The following ZBBX variants were observed in gnomAD, a reference collection of about 807,000 sequenced individuals.
ZBBX encodes the protein zinc finger B-box domain containing.
In ZBBX, 101 loss-of-function variants were observed where a neutral mutation model predicts 108.5. The ratio of observed to expected loss-of-function variants is 0.93; its 90% CI spans 0.79 to 1.10. ZBBX has a LOEUF of 1.10. Ranked by LOEUF, ZBBX falls within the 50% of genes least tolerant of loss-of-function variation. The pLI, the probability that ZBBX is intolerant of heterozygous loss-of-function variation, is 0.00. For synonymous variants in ZBBX, 356 were observed against 323.4 expected (o/e 1.10, Z -1.08); for missense variants, 1,009 against 941.4 (o/e 1.07, Z -0.94).
chr3:167,321,744 A>G (rs116586785), intron 12 of ZBBX, among the ~76,000 whole-genome samples: 7,532 of 152,150 alleles, frequency 0.05, 257 homozygotes, highest in Non-Finnish European at 0.065. Context: ...TAATTAATTT[A>G]AAACTAGATT....
At chr3:167,282,932 A>C (rs7641073) in intron 19 of ZBBX, among the ~76,000 whole-genome samples, 1 of 151,956 alleles carries the variant, frequency 6.6e-6, no homozygotes, top group Non-Finnish European at 1.5e-5. Context: ...ACTTCCTAGT[A>C]AACCAATTTT....
chr3:167,260,893 G>A (rs910384360), intron 20 of ZBBX, among the ~76,000 whole-genome samples: 5 of 152,198 alleles, frequency 3.3e-5, no homozygotes, highest in African/African-American at 1.2e-4. Context: ...TCTGGGGGGT[G>A]TTGAAGAGCC....
At chr3:167,361,670 A>C (rs1744524834) in intron 6 of ZBBX, among the ~76,000 whole-genome samples, 1 of 152,210 alleles carries the variant, frequency 6.6e-6, no homozygotes, top group African/African-American at 2.4e-5. Context: ...GCTATGTACT[A>C]AACACAGCAG....
At chr3:167,265,764 C>T (rs979164248) in intron 20 of ZBBX, among the ~76,000 whole-genome samples, 6 of 152,304 alleles carry the variant, frequency 3.9e-5, no homozygotes, top group Admixed American at 1.3e-4. Context: ...AAGTTCTGAC[C>T]GCTGGAATGG....
intron 20 of ZBBX, among the ~76,000 whole-genome samples, chr3:167,254,341 G>A (rs1723102984): frequency 6.6e-6 from 1 of 152,290 alleles, no homozygotes; most frequent in African/African-American, 2.4e-5. Flanking sequence ...CGGGTACAGT[G>A]TATGTGGGGG....
rs111506426 is a variant in ZBBX at position 167,272,763 on chromosome 3, C to T, written c.2254+9475G>A. 2.7e-3 allele frequency among the ~76,000 whole-genome samples: 415 copies of T among 152,274 alleles called. 2 individuals are homozygous for T. The highest frequency in any genetic ancestry group is 0.01 in the Middle Eastern group (3 of 294). ...ATCTCTGCCCCTTTAAAGTGAAAGG[C>T]GCCCCCTACCAAGACTCTTGTTCCT... On this transcript the variant is annotated intron_variant, in intron 20 of 21. Transcript: ENST00000675490.
At position 167,372,909 on chromosome 3, in the gene ZBBX, AC is replaced by A; in HGVS notation, c.-9del. On this transcript the variant is annotated 5_prime_UTR_variant, in exon 4 of 22. Transcript: ENST00000675490. Reference sequence around the variant, plus strand: ...AAAATCTTTTCTGTTCATGATTACCACCTTAATATTGTCTAAAAGTTATTCT... The same window carrying A: ...AAAATCTTTTCTGTTCATGATTACCACTTAATATTGTCTAAAAGTTATTCT... 1 of 1,583,214 alleles carries A rather than the reference AC, an allele frequency of 6.3e-7. No individual in the cohort carries two copies. The highest frequency in any genetic ancestry group is 8.6e-7 in the Non-Finnish European group (1 of 1,168,610).
At chr3:167,406,598 A>T (rs1748595956) in intron 1 of ZBBX, among the ~76,000 whole-genome samples, 1 of 152,240 alleles carries the variant, frequency 6.6e-6, no homozygotes, top group Non-Finnish European at 1.5e-5. Context: ...TCCAGTATCA[A>T]ATAAATAAAT....
At chr3:167,310,462 A>G (rs1734383951) in intron 16 of ZBBX, among the ~76,000 whole-genome samples, 1 of 152,204 alleles carries the variant, frequency 6.6e-6, no homozygotes, top group Admixed American at 6.5e-5. Flanking sequence ...GAACTACCTA[A>G]GACTGGGTAC....
At position 167,305,726 on chromosome 3, in the gene ZBBX, G is replaced by C. The variant is rs199656521; in HGVS notation, c.1642C>G (p.Gln548Glu). 2.5e-6 allele frequency: 4 copies of C among 1,611,908 alleles called. No individual in the cohort carries two copies. The African/African-American group carries it at 4.0e-5, about 16-fold the overall frequency. Residue 548 changes from glutamine to glutamate, a missense_variant, in exon 17 of 22, where the codon CAA becomes GAA. Physicochemically the swap from Gln to Glu is conservative, Grantham distance 29 (BLOSUM62 2). Transcript: ENST00000675490. ...EKAPIEEKLS[Q>E]DIKESLELSN... ...AATTCCAAGGATTCTTTGATGTCTTGAGATAATTTCTCCTCAATGGGAGCT... is the reference window on the plus strand; with the variant it reads ...AATTCCAAGGATTCTTTGATGTCTTCAGATAATTTCTCCTCAATGGGAGCT...
intron 6 of ZBBX, among the ~76,000 whole-genome samples, chr3:167,361,935 A>T (rs1406044378): frequency 1.3e-5 from 2 of 152,190 alleles, no homozygotes; most frequent in African/African-American, 4.8e-5. Context: ...TTTTATTATT[A>T]TGAATAATAT....
chr3:167,383,424 CA>C (rs1286439571), upstream of ZBBX, among the ~76,000 whole-genome samples: 2 of 151,890 alleles, frequency 1.3e-5, no homozygotes, highest in Non-Finnish European at 2.9e-5. Flanking sequence ...CATAAAATTA[CA>C]AAAAATCCTT....
the ZBBX span, among the ~76,000 whole-genome samples, chr3:167,227,509 T>C: frequency 6.6e-6 from 1 of 151,722 alleles, no homozygotes; most frequent in African/African-American, 2.4e-5. Context: ...AAATTTGCTA[T>C]TCAGATATCT....
the ZBBX span, among the ~76,000 whole-genome samples, chr3:167,219,253 T>C: frequency 6.6e-6 from 1 of 152,098 alleles, no homozygotes; most frequent in East Asian, 1.9e-4. Flanking sequence ...AAAAATGGAC[T>C]TAATCTGCAT....
At chr3:167,386,487 A>G (rs73879694) in intron 1 of ZBBX, among the ~76,000 whole-genome samples, 8 of 152,196 alleles carry the variant, frequency 5.3e-5, no homozygotes, top group Non-Finnish European at 1.0e-4. Flanking sequence ...TGTAACTCTC[A>G]TAATTGCAAA....
intron 20 of ZBBX, among the ~76,000 whole-genome samples, chr3:167,270,502 C>G (rs931670171): frequency 6.6e-6 from 1 of 152,142 alleles, no homozygotes; most frequent in Admixed American, 6.5e-5. Context: ...CTAGAAAAGC[C>G]CTTTCACCTT....
At chr3:167,297,346 A>G (rs1731857260) in intron 18 of ZBBX, among the ~76,000 whole-genome samples, 1 of 152,026 alleles carries the variant, frequency 6.6e-6, no homozygotes, top group African/African-American at 2.4e-5. Flanking sequence ...CATACGCAAA[A>G]TAATGAATCT....
the ZBBX span, among the ~76,000 whole-genome samples, chr3:167,220,268 C>T: frequency 4.0e-5 from 6 of 151,850 alleles, no homozygotes; most frequent in Admixed American, 6.6e-5. Context: ...CAAAATCAGA[C>T]GAAGACACAT....
chr3:167,323,244 G>GA (rs1553815491), intron 11 of ZBBX, among the ~76,000 whole-genome samples: 4 of 142,540 alleles, frequency 2.8e-5, no homozygotes, highest in Non-Finnish European at 6.3e-5. Flanking sequence ...AAAGAGGGGG[G>GA]GGGGGGAAAG....
Sources: gnomAD v4.1 joint callset for allele counts (sites outside exome capture counted in the v4.1 genomes callset) on GRCh38, gnomAD v4.1.1 for gene constraint, MANE v1.5 for transcripts, NCBI Gene and HGNC (gene_info 2026-07-23, HGNC 2026-07-21) for gene names.